Variants in FNDC3A observed in about 807,000 individuals in gnomAD.
FNDC3A encodes fibronectin type III domain containing 3A.
Under a neutral mutation model 148.9 loss-of-function variants are expected in FNDC3A, and 32 were observed. The ratio of observed to expected loss-of-function variants is 0.21; its 90% confidence interval spans 0.16 to 0.29. The LOEUF is 0.29. Ranked by LOEUF, FNDC3A falls within the 10% of genes least tolerant of loss-of-function variation. The pLI is 1.00. For missense variants in FNDC3A, 1,191 were observed against 1,452.8 expected (o/e 0.82, Z 2.93); for synonymous variants, 472 against 473.6 (o/e 1.00, Z 0.04).
Position 49,172,094 on chromosome 13 carries a change from G to T in FNDC3A, c.1228G>T (p.Glu410Ter). The T allele has an allele frequency of 6.3e-7, 1 of 1,589,748 alleles. No individual in the cohort carries two copies. The highest frequency in any genetic ancestry group is 1.1e-5 in the South Asian group (1 of 89,378). ...CCAAAACTTTGTATTAGAATGGGAT[G>T]AAGTAAGTAAATTGAATCTTTTTAA... is the stretch of plus-strand genomic sequence containing the variant. ...KIQNFVLEWDEGKGNGEFCQC... is the reference protein window; with the variant it reads ...KIQNFVLEWD Residue 410 changes from glutamate (E) to a stop codon, truncating the protein, a stop_gained and splice_region_variant, in exon 11 of 26, where the codon GAA becomes TAA. Transcript: ENST00000492622. LOFTEE classifies it high-confidence loss of function.
chr13:49,110,349 G>C (rs967363703), intron 3 of FNDC3A: 10 of 1,607,490 alleles, frequency 6.2e-6, no homozygotes, highest in Non-Finnish European at 8.5e-6. Context: ...CGTGTACTAC[G>C]CTGTTTCCTT....
At chr13:48,984,034 T>G (rs1951745007) in intron 1 of FNDC3A, among the ~76,000 whole-genome samples, 2 of 152,192 alleles carry the variant, frequency 1.3e-5, no homozygotes. Flanking sequence ...AGTAAGCTGA[T>G]TGGCTATAAG....
At chr13:49,172,204 AG>A (rs1884789382) in intron 11 of FNDC3A, 108 bp downstream of exon 11, 1 of 651,026 alleles carries the variant, frequency 1.5e-6, no homozygotes. Flanking sequence ...TGTCAAAAAA[AG>A]TATGAATGAT....
At chr13:49,042,602 C>A (rs1875022468) in intron 2 of FNDC3A, among the ~76,000 whole-genome samples, 1 of 151,734 alleles carries the variant, frequency 6.6e-6, no homozygotes, top group Non-Finnish European at 1.5e-5. Flanking sequence ...ATAGTGAGAC[C>A]CTGTCAAAAA....
At chr13:49,079,817 A>T (rs1467974152) in intron 3 of FNDC3A, among the ~76,000 whole-genome samples, 1 of 152,092 alleles carries the variant, frequency 6.6e-6, no homozygotes, top group African/African-American at 2.4e-5. Context: ...TTCCACATTT[A>T]TTTGTCTTCT....
chr13:49,003,697 T>C (rs1952169618), intron 1 of FNDC3A, among the ~76,000 whole-genome samples: 1 of 152,196 alleles, frequency 6.6e-6, no homozygotes, highest in Non-Finnish European at 1.5e-5. Context: ...TATTCAGATC[T>C]GCAACCTCTC....
Position 49,198,121 on chromosome 13 carries a change from G to T in FNDC3A, c.2630G>T (p.Cys877Phe). 1 of 1,614,116 alleles carries T rather than the reference G, an allele frequency of 6.2e-7. No individual in the cohort carries two copies. Among genetic ancestry groups the T allele is most frequent in the Non-Finnish European group, 8.5e-7 (1 of 1,180,020 alleles). The change falls in exon 22 of 26, where the codon TGC becomes TTC. Residue 877 changes from cysteine (C) to phenylalanine (F), a missense_variant. Around this residue, in one of 3 missense-constraint regions of FNDC3A, gnomAD observed 751 missense variants for 944.0 expected, o/e 0.80. Coordinates refer to ENST00000492622, the MANE Select transcript of FNDC3A (RefSeq NM_001079673.2). Reference protein sequence around the residue: ...IENPHYSPSTCLAISWEKPCD... With the variant: ...IENPHYSPSTFLAISWEKPCD... ...AATCCCCATTATTCACCTTCTACAT[G>T]CCTTGCAATAAGCTGGGAAAAGCCT...
At chr13:49,184,080 G>A (rs1885442288) in intron 14 of FNDC3A, among the ~76,000 whole-genome samples, 1 of 152,168 alleles carries the variant, frequency 6.6e-6, no homozygotes, top group Non-Finnish European at 1.5e-5. Flanking sequence ...AAGTCTTCTT[G>A]GAAATGACAT....
In FNDC3A at chr13:49,207,125, G is replaced by T; in HGVS notation, c.3327G>T (p.Gln1109His). 1 of 1,614,156 alleles carries T rather than the reference G, an allele frequency of 6.2e-7. No homozygotes were observed. Among genetic ancestry groups the T allele is most frequent in the Non-Finnish European group, 8.5e-7 (1 of 1,180,020 alleles). ...PDSSFRYSSL[Q>H]LNCEYRFRVC... ...CTTCCTTCCGGTATTCCAGCCTTCA[G>T]CTGAACTGTGAATATCGCTTCCGTG... Residue 1109 changes from glutamine to histidine, a missense_variant, in exon 26 of 26, where the codon CAG becomes CAT. Gln to His is a conservative substitution (Grantham distance 24). Around this residue, in one of 3 missense-constraint regions of FNDC3A, gnomAD observed 751 missense variants for 944.0 expected, o/e 0.80. Transcript: ENST00000492622.
intron 1 of FNDC3A, among the ~76,000 whole-genome samples, chr13:49,002,350 T>C (rs977178216): frequency 4.6e-5 from 7 of 152,222 alleles, no homozygotes; most frequent in Admixed American, 2.6e-4. Flanking sequence ...TATTAGTTTA[T>C]TGAGTTTATT....
At chr13:49,128,324 G>T (rs1316015537) in intron 4 of FNDC3A, among the ~76,000 whole-genome samples, 1 of 152,030 alleles carries the variant, frequency 6.6e-6, no homozygotes. Flanking sequence ...GCCTCCCTAC[G>T]ATCTCTTCTC....
chr13:49,198,150 G>A lies in FNDC3A; in HGVS notation c.2659G>A (p.Asp887Asn). 1 of 1,614,146 alleles carries A rather than the reference G, an allele frequency of 6.2e-7. No homozygotes were observed. The highest frequency in any genetic ancestry group is 8.5e-7 in the Non-Finnish European group (1 of 1,180,010). ...CLAISWEKPC[D>N]HGSEILAYSI... ...TGCAATAAGCTGGGAAAAGCCTTGT[G>A]ATCATGGTTCGGAAATCCTTGCCTA... is the stretch of plus-strand genomic sequence containing the variant. The change falls in exon 22 of 26, where the codon GAT becomes AAT. Residue 887 changes from aspartate to asparagine, a missense_variant. This residue lies in a region of FNDC3A where 751 missense variants were observed against 944.0 expected (regional missense o/e 0.80). Transcript: ENST00000492622.
chr13:49,133,841 A>G (rs891597186), intron 5 of FNDC3A, among the ~76,000 whole-genome samples: 2 of 152,194 alleles, frequency 1.3e-5, no homozygotes, highest in African/African-American at 4.8e-5. Flanking sequence ...GATCTATTCA[A>G]TGATTAAGTT....
chr13:49,103,994 A>G (rs1328017126), intron 3 of FNDC3A, among the ~76,000 whole-genome samples: 1 of 152,232 alleles, frequency 6.6e-6, no homozygotes, highest in Non-Finnish European at 1.5e-5. Context: ...ACTCCCAGGA[A>G]AATAAACACT....
chr13:49,103,485 C>T (rs573055901), intron 3 of FNDC3A, among the ~76,000 whole-genome samples: 2 of 152,256 alleles, frequency 1.3e-5, no homozygotes, highest in South Asian at 4.1e-4. Flanking sequence ...AGAATGGTCT[C>T]TGGGTTATAA....
chr13:49,137,492 A>G (rs923253901), intron 6 of FNDC3A, among the ~76,000 whole-genome samples: 5 of 152,034 alleles, frequency 3.3e-5, no homozygotes, highest in Admixed American at 1.3e-4. Flanking sequence ...CTAAAGGCGC[A>G]TGCCACCACG....
At chr13:49,046,834 CTT>C (rs34052302) in intron 2 of FNDC3A, 3 of 147,944 alleles carry the variant, frequency 2.0e-5, no homozygotes, top group Non-Finnish European at 4.5e-5. Context: ...AGGAAAGTCT[CTT>C]TTTAAAAAGT....
chr13:49,019,522 A>T (rs1873150825), intron 2 of FNDC3A, among the ~76,000 whole-genome samples: 1 of 152,176 alleles, frequency 6.6e-6, no homozygotes, highest in Non-Finnish European at 1.5e-5. Flanking sequence ...TAGTGAGATG[A>T]ACCCGGTACC....
At chr13:49,136,885 A>G (rs971457798) in intron 6 of FNDC3A, among the ~76,000 whole-genome samples, 5 of 152,036 alleles carry the variant, frequency 3.3e-5, no homozygotes, top group Non-Finnish European at 4.4e-5. Flanking sequence ...TTTTAATCAA[A>G]ACTTTTTTTT....
Sources: gnomAD v4.1 joint callset for allele counts (sites outside exome capture counted in the v4.1 genomes callset) on GRCh38, gnomAD v4.1.1 for gene constraint, gnomAD v4.1.1 regional missense constraint, MANE v1.5 for transcripts, NCBI Gene and HGNC (gene_info 2026-07-23, HGNC 2026-07-21) for gene names.